P3H2: variants seen among roughly 807,000 people sequenced by gnomAD.
P3H2 encodes prolyl 3-hydroxylase 2.
In P3H2, 80 loss-of-function variants were observed where a neutral mutation model predicts 87.0. The ratio of observed to expected loss-of-function variants is 0.92; its 90% CI spans 0.77 to 1.11. The LOEUF is 1.11. P3H2 is among the 50% of genes least tolerant of loss of function. The pLI, the probability that P3H2 is intolerant of heterozygous loss-of-function variation, is 0.00. For missense variants in P3H2, 1,001 were observed against 923.9 expected (o/e 1.08, Z -1.08); for synonymous variants, 367 against 359.3 (o/e 1.02, Z -0.24).
intron 1 of P3H2, among the ~76,000 whole-genome samples, chr3:190,032,773 G>A (rs1005082782): frequency 1.2e-4 from 19 of 152,016 alleles, no homozygotes; most frequent in African/African-American, 3.9e-4. Flanking sequence ...TTAACTCAGC[G>A]GTCTCCAGCC....
intron 1 of P3H2, among the ~76,000 whole-genome samples, chr3:190,024,443 TGA>T: frequency 7.1e-6 from 1 of 141,356 alleles, no homozygotes; most frequent in African/African-American, 2.7e-5. Context: ...CTCATGTGGC[TGA>T]GACAGGAGAA....
chr3:189,969,752 G>A (rs1031801681), intron 13 of P3H2: 9 of 1,595,000 alleles, frequency 5.6e-6, no homozygotes, highest in African/African-American at 1.3e-5. Context: ...CTTGCCAAAT[G>A]GAGTATCCAC....
chr3:190,048,493 A>G (rs1438408763), intron 1 of P3H2, among the ~76,000 whole-genome samples: 4 of 152,110 alleles, frequency 2.6e-5, no homozygotes, highest in African/African-American at 9.7e-5. Context: ...TGAGAATGCC[A>G]AAAAATAGTT....
intron 1 of P3H2, among the ~76,000 whole-genome samples, chr3:190,005,114 T>C (rs1577267524): frequency 1.3e-5 from 2 of 152,236 alleles, no homozygotes; most frequent in South Asian, 2.1e-4. Flanking sequence ...CTAAGATAGC[T>C]TTTTGAAAAT....
At chr3:190,081,236 C>T (rs1458880072) in intron 1 of P3H2, among the ~76,000 whole-genome samples, 3 of 152,108 alleles carry the variant, frequency 2.0e-5, no homozygotes, top group African/African-American at 7.2e-5. Context: ...GGTAGTTTGA[C>T]ACATGGAAGC....
At chr3:190,060,732 T>C (rs1726305091) in intron 1 of P3H2, among the ~76,000 whole-genome samples, 1 of 152,096 alleles carries the variant, frequency 6.6e-6, no homozygotes, top group Non-Finnish European at 1.5e-5. Flanking sequence ...TTCCACTGTC[T>C]CATAAATGGA....
intron 1 of P3H2, among the ~76,000 whole-genome samples, chr3:190,100,320 ATT>A (rs1711576867): frequency 7.2e-6 from 1 of 138,054 alleles, no homozygotes; most frequent in Admixed American, 8.5e-5. Context: ...TCTGCAATGT[ATT>A]CAATATTTTA....
At chr3:190,036,131 T>A (rs1460127275) in intron 1 of P3H2, among the ~76,000 whole-genome samples, 1 of 152,184 alleles carries the variant, frequency 6.6e-6, no homozygotes, top group Non-Finnish European at 1.5e-5. Context: ...ACCATCTCCT[T>A]CCCACTTCTG....
intron 1 of P3H2, among the ~76,000 whole-genome samples, chr3:190,070,611 C>T (rs187629939): frequency 6.4e-4 from 98 of 152,294 alleles, no homozygotes; most frequent in African/African-American, 2.2e-3. Flanking sequence ...GAGGCAACGA[C>T]TTACAAGACA....
chr3:190,069,386 G>A (rs1726622492), intron 1 of P3H2, among the ~76,000 whole-genome samples: 1 of 152,124 alleles, frequency 6.6e-6, no homozygotes, highest in Non-Finnish European at 1.5e-5. Context: ...AAAATGGAAA[G>A]TTCACAGTCC....
intron 1 of P3H2, among the ~76,000 whole-genome samples, chr3:190,095,357 C>G (rs1485145475): frequency 8.9e-6 from 1 of 112,662 alleles, no homozygotes; most frequent in Non-Finnish European, 1.8e-5. Flanking sequence ...TATGGATTAT[C>G]ACCTCAAAAT....
chr3:190,114,471 C>T (rs535180433), intron 1 of P3H2, among the ~76,000 whole-genome samples: 1 of 152,264 alleles, frequency 6.6e-6, no homozygotes, highest in African/African-American at 2.4e-5. Context: ...CAGGCTTGAA[C>T]CACCATGCCC....
intron 1 of P3H2, among the ~76,000 whole-genome samples, chr3:190,099,051 C>A (rs1401952340): frequency 1.3e-5 from 2 of 151,870 alleles, no homozygotes; most frequent in African/African-American, 2.4e-5. Flanking sequence ...AAAAAGGGTT[C>A]TTTCATGATT....
intron 1 of P3H2, among the ~76,000 whole-genome samples, chr3:190,109,960 C>T (rs1480861597): frequency 1.3e-5 from 2 of 151,198 alleles, no homozygotes; most frequent in Non-Finnish European, 2.9e-5. Context: ...GCAATTCTCC[C>T]ACCTCAGCCT....
intron 1 of P3H2, among the ~76,000 whole-genome samples, chr3:190,073,477 G>A (rs1726771408): frequency 6.6e-6 from 1 of 152,144 alleles, no homozygotes. Context: ...ATCAGTTACA[G>A]GCATGCTTGA....
At chr3:190,047,189 T>A (rs1230804302) in intron 1 of P3H2, among the ~76,000 whole-genome samples, 1 of 152,108 alleles carries the variant, frequency 6.6e-6, no homozygotes, top group Non-Finnish European at 1.5e-5. Flanking sequence ...AAAACCACAG[T>A]GAGATATCAT....
intron 1 of P3H2, among the ~76,000 whole-genome samples, chr3:190,115,127 A>C (rs1712240005): frequency 1.3e-5 from 2 of 152,198 alleles, no homozygotes; most frequent in African/African-American, 2.4e-5. Context: ...ACCAAAATAG[A>C]ATTGTCTAAT....
In P3H2 at chr3:190,120,656, G is replaced by C. The variant is rs756708326; in HGVS notation, c.76C>G (p.Pro26Ala). The C allele has an allele frequency of 5.4e-5, 82 of 1,524,786 alleles. No homozygotes were observed. The African/African-American group carries it at 9.3e-4, about 17-fold the overall frequency. The allele number at this position is 1,524,786 out of a possible 1,614,324, so 94.5% of individuals were successfully genotyped here. A position where few individuals can be genotyped will look rare whatever the true frequency, so the allele number is the denominator to read the frequency against. The part of the protein sequence containing the change: ...LLLPPPLWGG[P>A]PDSPRRELEL... Reference sequence around the variant, plus strand: ...AGCTCCCGGCGTGGGCTGTCCGGGGGGCCGCCCCACAGTGGCGGCGGCAGT... The same window carrying C: ...AGCTCCCGGCGTGGGCTGTCCGGGGCGCCGCCCCACAGTGGCGGCGGCAGT... Residue 26 changes from proline (P) to alanine (A), a missense_variant, in exon 1 of 15, where the codon CCC (proline) becomes GCC (alanine). Transcript: ENST00000319332.
At chr3:189,995,479 T>C (rs552167768) in intron 1 of P3H2, 37 bp from the exon 2 acceptor site, 31 of 1,600,690 alleles carry the variant, frequency 1.9e-5, no homozygotes, top group Non-Finnish European at 2.5e-5. Flanking sequence ...TGAAGGCAAA[T>C]ATTTCCAAAT....
Sources: allele counts gnomAD v4.1 joint callset (sites outside exome capture counted in the v4.1 genomes callset), GRCh38; gene constraint gnomAD v4.1.1; transcripts MANE v1.5; gene names NCBI Gene and HGNC (gene_info 2026-07-23, HGNC 2026-07-21).